The following ENTREP2 variants were observed in gnomAD, a reference collection of about 807,000 sequenced individuals.
ENTREP2 encodes the protein endosomal transmembrane epsin interactor 2, also known as protein ENTREP2.
the ENTREP2 span, among the ~76,000 whole-genome samples, chr15:29,402,352 G>C: frequency 1.3e-5 from 2 of 151,492 alleles, no homozygotes; most frequent in Non-Finnish European, 2.9e-5. Flanking sequence ...GTCTCCCTCT[G>C]TAGCCCAGGC....
the ENTREP2 span, among the ~76,000 whole-genome samples, chr15:29,222,889 T>C: frequency 1.3e-5 from 2 of 152,254 alleles, no homozygotes; most frequent in African/African-American, 4.8e-5. Flanking sequence ...GTTTAAGTTT[T>C]TGTCTGGTCT....
the ENTREP2 span, chr15:29,613,993 A>C: frequency 1.3e-5 from 2 of 153,722 alleles, no homozygotes; most frequent in Non-Finnish European, 2.9e-5. Flanking sequence ...GCAGATGCTC[A>C]GTGTGCAGAA....
chr15:29,214,454 C>T, the ENTREP2 span, among the ~76,000 whole-genome samples: 6 of 152,110 alleles, frequency 3.9e-5, no homozygotes, highest in South Asian at 6.2e-4. Context: ...AAACAAACAC[C>T]GCATGTTCTC....
chr15:29,421,730 T>G, the ENTREP2 span, among the ~76,000 whole-genome samples: 1 of 152,184 alleles, frequency 6.6e-6, no homozygotes, highest in African/African-American at 2.4e-5. Flanking sequence ...ACATTTAACT[T>G]CTTTTAATAT....
chr15:29,570,775 C>CGCT, the ENTREP2 span: 26 of 811,490 alleles, frequency 3.2e-5, no homozygotes, highest in Middle Eastern at 6.1e-4. Flanking sequence ...CGGCGCGCGC[C>CGCT]GCCGCCTCTC....
At chr15:29,281,659 C>T in the ENTREP2 span, among the ~76,000 whole-genome samples, 1 of 152,226 alleles carries the variant, frequency 6.6e-6, no homozygotes, top group African/African-American at 2.4e-5. Flanking sequence ...AACCCTGCGG[C>T]AACCCCGCTC....
At chr15:29,477,889 C>T in the ENTREP2 span, among the ~76,000 whole-genome samples, 3 of 151,492 alleles carry the variant, frequency 2.0e-5, no homozygotes, top group African/African-American at 7.3e-5. Flanking sequence ...CGTTCTGCTT[C>T]CCTCTGTGAA....
At chr15:29,120,283 GATC>G in the ENTREP2 span, 1 of 152,180 alleles carries the variant, frequency 6.6e-6, no homozygotes, top group African/African-American at 2.4e-5. Context: ...TTAAAACACG[GATC>G]ATTATTAAAA....
At chr15:29,492,923 G>C in the ENTREP2 span, among the ~76,000 whole-genome samples, 2 of 151,252 alleles carry the variant, frequency 1.3e-5, no homozygotes, top group Non-Finnish European at 2.9e-5. Context: ...AGAATCGCTT[G>C]AACCCTGGAA....
At chr15:29,285,463 A>T in the ENTREP2 span, among the ~76,000 whole-genome samples, 1 of 152,216 alleles carries the variant, frequency 6.6e-6, no homozygotes, top group Non-Finnish European at 1.5e-5. Flanking sequence ...AAAACATTTG[A>T]AAAACAGAGA....
chr15:29,334,202 G>C, the ENTREP2 span, among the ~76,000 whole-genome samples: 1 of 152,202 alleles, frequency 6.6e-6, no homozygotes, highest in Non-Finnish European at 1.5e-5. Flanking sequence ...AGATGTTCCA[G>C]CAACTTCCCC....
the ENTREP2 span, chr15:29,266,249 C>T: frequency 1.3e-5 from 2 of 152,176 alleles, no homozygotes; most frequent in Non-Finnish European, 2.9e-5. Flanking sequence ...ATTATCATTT[C>T]ACACTGTACC....
chr15:29,589,700 T>A, the ENTREP2 span, among the ~76,000 whole-genome samples: 6 of 152,180 alleles, frequency 3.9e-5, no homozygotes, highest in Non-Finnish European at 7.3e-5. Flanking sequence ...TCAACTCTAT[T>A]CCTTCCAGAC....
the ENTREP2 span, among the ~76,000 whole-genome samples, chr15:29,537,255 A>G: frequency 2.4e-4 from 36 of 152,144 alleles, no homozygotes; most frequent in Non-Finnish European, 5.3e-4. Context: ...AATGCCCACT[A>G]GAGTCCACGC....
At chr15:29,254,179 A>T in the ENTREP2 span, among the ~76,000 whole-genome samples, 19 of 147,732 alleles carry the variant, frequency 1.3e-4, no homozygotes, top group African/African-American at 4.9e-4. Context: ...AAAAAAAAAA[A>T]AAAAAAAAAA....
the ENTREP2 span, among the ~76,000 whole-genome samples, chr15:29,300,126 T>A: frequency 1.3e-5 from 2 of 149,418 alleles, no homozygotes; most frequent in Non-Finnish European, 3.0e-5. Flanking sequence ...AATGGATGAA[T>A]GGGTAGGTGA....
At chr15:29,565,647 G>A in the ENTREP2 span, among the ~76,000 whole-genome samples, 1 of 152,130 alleles carries the variant, frequency 6.6e-6, no homozygotes, top group Non-Finnish European at 1.5e-5. Context: ...TGTCATTTTT[G>A]TAAATTGTTT....
At chr15:29,301,287 G>A in the ENTREP2 span, among the ~76,000 whole-genome samples, 1 of 152,168 alleles carries the variant, frequency 6.6e-6, no homozygotes, top group African/African-American at 2.4e-5. Context: ...TAGTTTTTAA[G>A]GACTTCCTTG....
the ENTREP2 span, among the ~76,000 whole-genome samples, chr15:29,199,776 C>T: frequency 6.6e-6 from 1 of 152,156 alleles, no homozygotes; most frequent in Non-Finnish European, 1.5e-5. Flanking sequence ...TGCTCCTACA[C>T]TTTTGGTGTT....
Sources: allele counts gnomAD v4.1 joint callset (sites outside exome capture counted in the v4.1 genomes callset), GRCh38; gene constraint gnomAD v4.1.1; transcripts MANE v1.5; gene names NCBI Gene and HGNC (gene_info 2026-07-23, HGNC 2026-07-21).